ICE1: variants seen among roughly 807,000 people sequenced by gnomAD.
ICE1 encodes interactor of little elongation complex ELL subunit 1, also known as little elongation complex subunit 1.
ICE1 carries 64 observed loss-of-function variants against 192.7 expected under a neutral mutation model. The ratio of observed to expected loss-of-function variants is 0.33; its 90% confidence interval spans 0.27 to 0.41. ICE1 has a LOEUF of 0.41. ICE1 is among the 10% of genes least tolerant of loss of function. The pLI is 1.00. For missense variants in ICE1, 2,708 were observed against 2,696.0 expected (o/e 1.00, Z -0.10); for synonymous variants, 1,010 against 984.5 (o/e 1.03, Z -0.49).
chr5:5,445,266 G>A (rs6874726), intron 7 of ICE1, among the ~76,000 whole-genome samples: 60 of 152,184 alleles, frequency 3.9e-4, no homozygotes, highest in African/African-American at 1.4e-3. Context: ...AAATATTTCG[G>A]TAACAATTTT....
intron 17 of ICE1, among the ~76,000 whole-genome samples, chr5:5,481,289 GA>G (rs1349115675): frequency 1.3e-5 from 2 of 151,434 alleles, no homozygotes; most frequent in Admixed American, 6.6e-5. Context: ...AAAATATGGT[GA>G]TTTTTTTGTT....
intron 18 of ICE1, among the ~76,000 whole-genome samples, chr5:5,488,507 A>T (rs1218043565): frequency 6.6e-6 from 1 of 152,166 alleles, no homozygotes; most frequent in Non-Finnish European, 1.5e-5. Flanking sequence ...ATACAGTGCA[A>T]CCTCCAACTT....
chr5:5,437,174 AAG>A lies in ICE1; in HGVS notation c.178+64_178+65del. 5.4e-6 allele frequency: 7 copies of A among 1,307,864 alleles called. No individual in the cohort carries two copies. In the South Asian group the frequency reaches 6.4e-5, roughly 12 times the overall value. The allele number at this position is 1,307,864 out of a possible 1,614,324, so 81.0% of individuals were successfully genotyped here. ...GAACTAACTTATGTTTAATTCCTGA[AAG>A]AGATGTGAGAATTGTTCCTCATAGG... On this transcript the variant is annotated intron_variant, in intron 3 of 18. Transcript: ENST00000296564.
intron 12 of ICE1, among the ~76,000 whole-genome samples, chr5:5,458,056 C>T (rs949207380): frequency 2.6e-5 from 4 of 152,124 alleles, no homozygotes; most frequent in African/African-American, 9.7e-5. Context: ...GAATTAAACA[C>T]ATATTTGTAT....
intron 17 of ICE1, among the ~76,000 whole-genome samples, chr5:5,482,808 A>ACACACACT (rs1201057173): frequency 6.7e-6 from 1 of 148,462 alleles, no homozygotes; most frequent in Non-Finnish European, 1.5e-5. Flanking sequence ...ACACACACAC[A>ACACACACT]CACTCATCTG....
At chr5:5,423,591 A>G (rs997030535) in intron 1 of ICE1, among the ~76,000 whole-genome samples, 12 of 152,210 alleles carry the variant, frequency 7.9e-5, no homozygotes, top group African/African-American at 2.9e-4. Flanking sequence ...AAAGGCATGC[A>G]GAGACTGGAG....
intron 1 of ICE1, among the ~76,000 whole-genome samples, chr5:5,432,960 G>A (rs558798053): frequency 2.0e-5 from 3 of 152,250 alleles, no homozygotes; most frequent in Admixed American, 6.5e-5. Context: ...TGAGGATGTG[G>A]GGCTTCTGGA....
At chr5:5,482,145 A>G (rs1300503737) in intron 17 of ICE1, among the ~76,000 whole-genome samples, 1 of 152,232 alleles carries the variant, frequency 6.6e-6, no homozygotes, top group South Asian at 2.1e-4. Flanking sequence ...AGGATGTGTA[A>G]TTGTAGGGAT....
intron 1 of ICE1, among the ~76,000 whole-genome samples, chr5:5,423,643 G>T (rs967341341): frequency 5.3e-5 from 8 of 152,216 alleles, no homozygotes; most frequent in Admixed American, 5.2e-4. Context: ...AGTGACATAA[G>T]GGAGAATTGC....
intron 10 of ICE1, among the ~76,000 whole-genome samples, chr5:5,448,446 A>G (rs1164141058): frequency 6.6e-6 from 1 of 152,228 alleles, no homozygotes; most frequent in Non-Finnish European, 1.5e-5. Context: ...GGTGAGAAGC[A>G]TAACTCTAGA....
At chr5:5,465,295 C>A (rs2111387500) in intron 13 of ICE1, 69 bp downstream of exon 13, 1 of 1,119,424 alleles carries the variant, frequency 8.9e-7, no homozygotes, top group East Asian at 2.6e-5. Flanking sequence ...TGTTTACTGT[C>A]AGCAAAATGT....
At chr5:5,468,792 C>T in intron 14 of ICE1, 36 bp from the exon 15 acceptor site, 7 of 1,284,820 alleles carry the variant, frequency 5.4e-6, no homozygotes, top group Non-Finnish European at 6.3e-6. Context: ...CTCGATCATA[C>T]ATCAAAGAGT....
chr5:5,455,496 T>C (rs1209412661), intron 11 of ICE1, among the ~76,000 whole-genome samples: 1 of 152,232 alleles, frequency 6.6e-6, no homozygotes, highest in Non-Finnish European at 1.5e-5. Flanking sequence ...TGGCCTTCTA[T>C]ATCAATCAGC....
chr5:5,438,817 T>A (rs1737954161), intron 3 of ICE1, among the ~76,000 whole-genome samples: 2 of 152,196 alleles, frequency 1.3e-5, no homozygotes, highest in East Asian at 3.8e-4. Flanking sequence ...CAGAAGTTCA[T>A]TCTGTAATAT....
chr5:5,443,069 T>G, intron 5 of ICE1, 99 bp from the exon 6 acceptor site: 3 of 642,392 alleles, frequency 4.7e-6, no homozygotes, highest in Non-Finnish European at 7.9e-6. Context: ...GCCTAATGTC[T>G]GTTTATTTGG....
At chr5:5,423,029 G>A in intron 1 of ICE1, 30 bp downstream of exon 1, 26 of 1,326,822 alleles carry the variant, frequency 2.0e-5, no homozygotes, top group Non-Finnish European at 2.5e-5. Flanking sequence ...CCCGGGCGCG[G>A]GGGGGGACTC....
intron 17 of ICE1, among the ~76,000 whole-genome samples, chr5:5,479,731 TG>T (rs2111402753): frequency 6.6e-6 from 1 of 152,282 alleles, no homozygotes; most frequent in Non-Finnish European, 1.5e-5. Context: ...AAAGAAAATG[TG>T]GCACATAATA....
chr5:5,481,348 T>TA (rs1739499214), intron 17 of ICE1, among the ~76,000 whole-genome samples: 1 of 152,178 alleles, frequency 6.6e-6, no homozygotes, highest in Non-Finnish European at 1.5e-5. Flanking sequence ...GGAGAGGAAA[T>TA]AAGAGTGAAG....
intron 18 of ICE1, 59 bp downstream of exon 18, chr5:5,486,878 C>CT: frequency 2.3e-6 from 3 of 1,284,298 alleles, no homozygotes; most frequent in Non-Finnish European, 3.3e-6. Context: ...ATAGTTAAAC[C>CT]TTTTTTGGGG....
Sources: gnomAD v4.1 joint callset for allele counts (sites outside exome capture counted in the v4.1 genomes callset) on GRCh38, gnomAD v4.1.1 for gene constraint, MANE v1.5 for transcripts, NCBI Gene and HGNC (gene_info 2026-07-23, HGNC 2026-07-21) for gene names.